Variants in ZNF385D observed in about 807,000 individuals in gnomAD.
ZNF385D encodes zinc finger protein 659.
A neutral mutation model predicts 35.8 loss-of-function variants in ZNF385D; 15 were observed. The observed-to-expected ratio is 0.42, with a 90% CI of 0.28 to 0.64. The LOEUF (loss-of-function observed/expected upper bound fraction) is 0.64, where lower values mean the gene tolerates loss of function less well. Among genes scored for constraint, ZNF385D ranks in the 30% least tolerant of loss-of-function variants. ZNF385D has a pLI of 0.23. For synonymous variants in ZNF385D, 212 were observed against 186.8 expected, an observed-to-expected ratio of 1.13 and a Z score of -1.10; for missense variants, 474 against 494.6, an observed-to-expected ratio of 0.96 and a Z score of 0.39.
At chr3:21,528,966 C>T (rs2061855125) in intron 3 of ZNF385D, among the ~76,000 whole-genome samples, 1 of 152,070 alleles carries the variant, frequency 6.6e-6, no homozygotes, top group South Asian at 2.1e-4. Flanking sequence ...TTTTTGGAGG[C>T]CTCTTTTGAG....
chr3:22,128,518 C>T (rs111869175), intron 3 of ZNF385D, among the ~76,000 whole-genome samples: 1 of 152,144 alleles, frequency 6.6e-6, no homozygotes, highest in African/African-American at 2.4e-5. Context: ...CTTATGTTTG[C>T]ACTTTTTAGG....
chr3:21,490,989 C>T (rs553162771), intron 4 of ZNF385D, among the ~76,000 whole-genome samples: 4 of 106,812 alleles, frequency 3.7e-5, no homozygotes, highest in Non-Finnish European at 7.4e-5. Context: ...TCAGAGACGG[C>T]CAACTTCTAA....
chr3:22,144,912 A>C (rs7628166), intron 3 of ZNF385D, among the ~76,000 whole-genome samples: 61,110 of 151,968 alleles, frequency 0.4, 12,394 homozygotes, highest in African/African-American at 0.47. Flanking sequence ...TTGCTTGATG[A>C]AAAACATATA....
intron 3 of ZNF385D, among the ~76,000 whole-genome samples, chr3:21,803,545 T>C (rs1238463463): frequency 6.6e-6 from 1 of 152,082 alleles, no homozygotes; most frequent in African/African-American, 2.4e-5. Flanking sequence ...AATTTTACAG[T>C]GAAAAAATAT....
chr3:22,326,405 C>A (rs1224549550), intron 2 of ZNF385D, among the ~76,000 whole-genome samples: 2 of 152,094 alleles, frequency 1.3e-5, no homozygotes, highest in Non-Finnish European at 2.9e-5. Context: ...GGAGTGTGAG[C>A]CAGGGGTCTA....
chr3:21,482,074 A>G (rs897646520), intron 4 of ZNF385D, among the ~76,000 whole-genome samples: 3 of 152,164 alleles, frequency 2.0e-5, no homozygotes, highest in African/African-American at 7.2e-5. Flanking sequence ...AGGAGGACAG[A>G]ACTGAGTCCA....
intron 1 of ZNF385D, among the ~76,000 whole-genome samples, chr3:21,733,545 T>C (rs1170991922): frequency 6.6e-6 from 1 of 152,200 alleles, no homozygotes; most frequent in East Asian, 1.9e-4. Flanking sequence ...CTTTGTCTCT[T>C]TTTTAAACTT....
chr3:21,484,755 C>T (rs943344707), intron 4 of ZNF385D, among the ~76,000 whole-genome samples: 1 of 152,106 alleles, frequency 6.6e-6, no homozygotes, highest in South Asian at 2.1e-4. Flanking sequence ...TCCTGGAATA[C>T]AGTGGGTATA....
intron 3 of ZNF385D, 93 bp downstream of exon 3, chr3:21,564,480 TG>T: frequency 1.5e-6 from 1 of 686,880 alleles, no homozygotes; most frequent in Non-Finnish European, 2.2e-6. Flanking sequence ...GCTCAGTTAC[TG>T]GAGAAAATGT....
chr3:21,648,208 T>G (rs566820901), intron 2 of ZNF385D, among the ~76,000 whole-genome samples: 20 of 152,250 alleles, frequency 1.3e-4, no homozygotes, highest in Admixed American at 1.1e-3. Flanking sequence ...ATACTGTTCT[T>G]GTGATAGTGA....
At chr3:22,372,299 T>G (rs1696947083) in intron 2 of ZNF385D, among the ~76,000 whole-genome samples, 1 of 152,130 alleles carries the variant, frequency 6.6e-6, no homozygotes, top group South Asian at 2.1e-4. Flanking sequence ...GTCCAAGGTC[T>G]GGGCGGTGCG....
intron 2 of ZNF385D, among the ~76,000 whole-genome samples, chr3:22,201,981 T>C (rs1024145854): frequency 6.6e-6 from 1 of 151,988 alleles, no homozygotes; most frequent in Admixed American, 6.6e-5. Flanking sequence ...AAATGACATA[T>C]TAAAAGAGTC....
intron 3 of ZNF385D, among the ~76,000 whole-genome samples, chr3:21,929,781 A>T (rs1040365570): frequency 6.6e-6 from 1 of 152,080 alleles, no homozygotes. Flanking sequence ...AAAACTACAA[A>T]TAATACTGTA....
At chr3:21,814,457 C>A (rs2073062053) in intron 3 of ZNF385D, among the ~76,000 whole-genome samples, 1 of 152,202 alleles carries the variant, frequency 6.6e-6, no homozygotes, top group African/African-American at 2.4e-5. Flanking sequence ...TGCAGAGACA[C>A]AGATAGGCTC....
At chr3:22,104,298 A>C (rs1285350340) in intron 3 of ZNF385D, among the ~76,000 whole-genome samples, 2 of 151,010 alleles carry the variant, frequency 1.3e-5, no homozygotes. Flanking sequence ...AAATTCACTG[A>C]GTGTGTCTCC....
chr3:22,176,221 G>C (rs913771268), intron 2 of ZNF385D, among the ~76,000 whole-genome samples: 1 of 152,028 alleles, frequency 6.6e-6, no homozygotes, highest in South Asian at 2.1e-4. Context: ...GTACAGCACA[G>C]CTAACGAACT....
chr3:22,048,740 T>G (rs1699163705), intron 3 of ZNF385D, among the ~76,000 whole-genome samples: 1 of 152,190 alleles, frequency 6.6e-6, no homozygotes, highest in Non-Finnish European at 1.5e-5. Context: ...TCTTTTGTGA[T>G]TCCAAGTGAA....
At chr3:22,180,911 G>GTTTTTTTTTTTTTTTTTTTTTTTTTTT (rs1695207512) in intron 2 of ZNF385D, among the ~76,000 whole-genome samples, 1 of 60,746 alleles carries the variant, frequency 1.6e-5, no homozygotes, top group Admixed American at 1.3e-4. Context: ...ATATGCTTTT[G>GTTTTTTTTTTTTTTTTTTTTTTTTTTT]TTCTTTTTTT....
At chr3:21,693,948 G>A (rs1239179906) in intron 1 of ZNF385D, among the ~76,000 whole-genome samples, 16 of 145,002 alleles carry the variant, frequency 1.1e-4, no homozygotes, top group Admixed American at 5.0e-4. Context: ...GCGCGACCTC[G>A]GCTCACTGCA....
Sources: gnomAD v4.1 joint callset for allele counts (sites outside exome capture counted in the v4.1 genomes callset) on GRCh38, gnomAD v4.1.1 for gene constraint, MANE v1.5 for transcripts, NCBI Gene and HGNC (gene_info 2026-07-23, HGNC 2026-07-21) for gene names.